Variants in LYPLAL1 observed in about 807,000 individuals in gnomAD.
The protein encoded by LYPLAL1 is lysophospholipase-like protein 1.
In LYPLAL1, 23 loss-of-function variants were observed where a neutral mutation model predicts 19.7. That is an observed-to-expected ratio of 1.17 (90% CI 0.84 to 1.65). The LOEUF is 1.65. Ranked by LOEUF, LYPLAL1 falls within the 40% of genes most tolerant of loss-of-function variation. The pLI, the probability that LYPLAL1 is intolerant of heterozygous loss-of-function variation, is 0.00. For synonymous variants in LYPLAL1, 119 were observed against 96.3 expected (o/e 1.24, Z -1.38); for missense variants, 355 against 279.4 (o/e 1.27, Z -1.93).
At chr1:219,416,882 G>T in the LYPLAL1 span, among the ~76,000 whole-genome samples, 1 of 152,146 alleles carries the variant, frequency 6.6e-6, no homozygotes, top group Admixed American at 6.5e-5. Context: ...ACAAGGTTGT[G>T]ACCAGAAAAC....
At chr1:219,328,575 T>G in the LYPLAL1 span, among the ~76,000 whole-genome samples, 1 of 152,214 alleles carries the variant, frequency 6.6e-6, no homozygotes, top group African/African-American at 2.4e-5. Context: ...TCTCACACAT[T>G]TTCTTTGATA....
chr1:219,439,233 C>A, the LYPLAL1 span, among the ~76,000 whole-genome samples: 1 of 152,124 alleles, frequency 6.6e-6, no homozygotes, highest in Non-Finnish European at 1.5e-5. Context: ...CTGAAGTCCC[C>A]TTCTTGCACA....
chr1:219,337,587 C>T, the LYPLAL1 span, among the ~76,000 whole-genome samples: 1 of 151,956 alleles, frequency 6.6e-6, no homozygotes, highest in African/African-American at 2.4e-5. Flanking sequence ...TATTTTCCAA[C>T]TACTCACATC....
the LYPLAL1 span, among the ~76,000 whole-genome samples, chr1:219,240,502 A>G: frequency 5.9e-5 from 9 of 152,176 alleles, no homozygotes; most frequent in Non-Finnish European, 1.3e-4. Context: ...TTATTTGTAT[A>G]TAGGCTAATT....
At chr1:219,439,518 C>T in the LYPLAL1 span, among the ~76,000 whole-genome samples, 5 of 152,148 alleles carry the variant, frequency 3.3e-5, no homozygotes, top group African/African-American at 1.2e-4. Flanking sequence ...TTATATTTTG[C>T]TTTGTGAACA....
the LYPLAL1 span, among the ~76,000 whole-genome samples, chr1:219,228,743 G>C: frequency 6.6e-6 from 1 of 151,904 alleles, no homozygotes; most frequent in Non-Finnish European, 1.5e-5. Flanking sequence ...GCAATGGCGC[G>C]ATCTTGGCTC....
At chr1:219,440,213 A>C in the LYPLAL1 span, among the ~76,000 whole-genome samples, 1 of 151,830 alleles carries the variant, frequency 6.6e-6, no homozygotes, top group Non-Finnish European at 1.5e-5. Context: ...TATGTAACGT[A>C]GATTAGATTA....
chr1:219,312,690 T>A, the LYPLAL1 span, among the ~76,000 whole-genome samples: 1 of 152,192 alleles, frequency 6.6e-6, no homozygotes, highest in Non-Finnish European at 1.5e-5. Flanking sequence ...GTCTGTTTTT[T>A]CAGTGCTCCT....
chr1:219,282,928 G>A, the LYPLAL1 span, among the ~76,000 whole-genome samples: 1 of 152,114 alleles, frequency 6.6e-6, no homozygotes, highest in East Asian at 1.9e-4. Flanking sequence ...CCACCATAAA[G>A]GAATGAAAGT....
the LYPLAL1 span, among the ~76,000 whole-genome samples, chr1:219,377,582 A>G: frequency 2.0e-5 from 3 of 152,180 alleles, no homozygotes; most frequent in East Asian, 1.9e-4. Flanking sequence ...ATTTTTTTAC[A>G]AAAGGACTCA....
chr1:219,338,681 A>G, the LYPLAL1 span, among the ~76,000 whole-genome samples: 1 of 151,926 alleles, frequency 6.6e-6, no homozygotes, highest in Non-Finnish European at 1.5e-5. Context: ...TGTTAAAGGT[A>G]GACCTAACAT....
chr1:219,292,916 A>C, the LYPLAL1 span, among the ~76,000 whole-genome samples: 1 of 152,074 alleles, frequency 6.6e-6, no homozygotes, highest in Non-Finnish European at 1.5e-5. Flanking sequence ...ACCAACAGCA[A>C]TTACCTCTGC....
chr1:219,308,149 C>T, the LYPLAL1 span, among the ~76,000 whole-genome samples: 2 of 152,100 alleles, frequency 1.3e-5, no homozygotes, highest in African/African-American at 4.8e-5. Context: ...AGACTGGTGG[C>T]ATTTGGCCCC....
At chr1:219,292,439 G>A in the LYPLAL1 span, among the ~76,000 whole-genome samples, 1 of 152,208 alleles carries the variant, frequency 6.6e-6, no homozygotes, top group Non-Finnish European at 1.5e-5. Context: ...TAGTTAGGAA[G>A]ATCTAAGCTC....
At chr1:219,372,638 A>G in the LYPLAL1 span, among the ~76,000 whole-genome samples, 1 of 152,098 alleles carries the variant, frequency 6.6e-6, no homozygotes, top group Non-Finnish European at 1.5e-5. Context: ...GCTGGCTCAC[A>G]CCTGTAATCC....
At chr1:219,179,270 G>C (rs1656068014) in intron 2 of LYPLAL1, 24 bp downstream of exon 2, 1 of 1,502,160 alleles carries the variant, frequency 6.7e-7, no homozygotes, top group Non-Finnish European at 9.3e-7. Context: ...TATCTCACTT[G>C]TCAATATAAC....
At chr1:219,274,574 T>G in the LYPLAL1 span, among the ~76,000 whole-genome samples, 3 of 152,202 alleles carry the variant, frequency 2.0e-5, no homozygotes, top group South Asian at 6.2e-4. Flanking sequence ...TTAGTAGAGA[T>G]AGGGTTTCAC....
At chr1:219,368,794 A>G in the LYPLAL1 span, among the ~76,000 whole-genome samples, 11 of 152,334 alleles carry the variant, frequency 7.2e-5, no homozygotes, top group African/African-American at 1.9e-4. Context: ...TGATTTTACT[A>G]TGTACAATTC....
the LYPLAL1 span, among the ~76,000 whole-genome samples, chr1:219,339,312 C>G: frequency 1.3e-5 from 2 of 152,012 alleles, no homozygotes; most frequent in Non-Finnish European, 2.9e-5. Context: ...CTCTGAGCCT[C>G]AAGTACTTCA....
Sources: allele counts gnomAD v4.1 joint callset (sites outside exome capture counted in the v4.1 genomes callset), GRCh38; gene constraint gnomAD v4.1.1; transcripts MANE v1.5; gene names NCBI Gene and HGNC (gene_info 2026-07-23, HGNC 2026-07-21).